Variants in THADA observed in about 807,000 individuals in gnomAD.
The protein encoded by THADA is THADA armadillo repeat containing.
In THADA, 213 loss-of-function variants were observed where a neutral mutation model predicts 219.8. That is an observed-to-expected ratio of 0.97 (90% CI 0.87 to 1.09). The LOEUF (loss-of-function observed/expected upper bound fraction) is 1.09. Ranked by LOEUF, THADA falls within the 50% of genes least tolerant of loss-of-function variation. The pLI is 0.00. For synonymous variants in THADA, 1,018 were observed against 828.9 expected, an observed-to-expected ratio of 1.23 and a Z score of -3.92; for missense variants, 2,956 against 2,311.3, an observed-to-expected ratio of 1.28 and a Z score of -5.72.
At chr2:43,388,898 C>T (rs1044842020) in intron 29 of THADA, among the ~76,000 whole-genome samples, 1 of 151,252 alleles carries the variant, frequency 6.6e-6, no homozygotes, top group African/African-American at 2.4e-5. Flanking sequence ...CTTTTACTCA[C>T]CATCTACACC....
At chr2:43,232,225 C>G (rs977104281) in intron 37 of THADA, among the ~76,000 whole-genome samples, 8 of 151,490 alleles carry the variant, frequency 5.3e-5, no homozygotes, top group African/African-American at 1.9e-4. Context: ...GTTGCCCAGG[C>G]TGGAGTGCAG....
intron 36 of THADA, among the ~76,000 whole-genome samples, chr2:43,257,939 G>A (rs1324973280): frequency 1.3e-5 from 2 of 152,162 alleles, no homozygotes; most frequent in Admixed American, 6.5e-5. Context: ...TGGGAGGAAG[G>A]GGAGGTACAG....
At chr2:43,250,502 G>A (rs1669706178) in intron 36 of THADA, among the ~76,000 whole-genome samples, 1 of 152,036 alleles carries the variant, frequency 6.6e-6, no homozygotes, top group African/African-American at 2.4e-5. Context: ...AGTACTAAAC[G>A]CTACTGGAAC....
intron 26 of THADA, among the ~76,000 whole-genome samples, chr2:43,467,055 G>A (rs376801324): frequency 4.0e-5 from 6 of 151,382 alleles, no homozygotes; most frequent in African/African-American, 1.5e-4. Context: ...GGTAGCGGGC[G>A]CCTGTAGTCC....
chr2:43,573,416 A>T (rs1699508960), intron 11 of THADA, among the ~76,000 whole-genome samples: 1 of 152,320 alleles, frequency 6.6e-6, no homozygotes, highest in East Asian at 1.9e-4. Context: ...AGTAAAGATT[A>T]AAAAAGGAAC....
intron 17 of THADA, among the ~76,000 whole-genome samples, chr2:43,555,745 T>G (rs974449606): frequency 6.6e-6 from 1 of 152,186 alleles, no homozygotes; most frequent in African/African-American, 2.4e-5. Context: ...ATAATAATTT[T>G]TAACTCTCTT....
intron 28 of THADA, among the ~76,000 whole-genome samples, chr2:43,426,896 T>C (rs765407490): frequency 2.3e-4 from 35 of 152,304 alleles, no homozygotes; most frequent in Admixed American, 9.8e-4. Flanking sequence ...ACTAATATGA[T>C]AGGCTTCTGA....
chr2:43,533,595 T>C (rs1309860485), intron 21 of THADA, among the ~76,000 whole-genome samples: 1 of 152,160 alleles, frequency 6.6e-6, no homozygotes, highest in Non-Finnish European at 1.5e-5. Flanking sequence ...TTGCAGGGAC[T>C]TGGATGAAGC....
At chr2:43,289,641 TTTTG>T (rs528735779) in intron 34 of THADA, among the ~76,000 whole-genome samples, 10 of 152,278 alleles carry the variant, frequency 6.6e-5, no homozygotes, top group South Asian at 2.1e-4. Context: ...CTTGGTGTTT[TTTTG>T]TTTGTTTGTT....
rs536187880 is a variant in THADA, at chr2:43,434,779, G to A, written c.3837-4477C>T. Among the ~76,000 whole-genome samples the A allele has an allele frequency of 7.2e-5, 11 of 152,274 alleles. No homozygotes were observed. The East Asian group carries it at 7.7e-4, about 11-fold the overall frequency. ...AGCCTACGTGTGATCAAATTCTTCC[G>A]GTATATCAAGGCAAGAACCCTGGGA... is the stretch of plus-strand genomic sequence containing the variant. On this transcript the variant is annotated intron_variant, in intron 26 of 37. Coordinates refer to ENST00000405975, the MANE Select transcript of THADA (RefSeq NM_022065.5).
At chr2:43,296,527 C>T (rs1011309268) in intron 31 of THADA, among the ~76,000 whole-genome samples, 3 of 152,122 alleles carry the variant, frequency 2.0e-5, no homozygotes, top group South Asian at 2.1e-4. Context: ...CTGCCCGCCT[C>T]GGCCTCCCAA....
At chr2:43,511,744 T>C (rs1690483565) in intron 22 of THADA, among the ~76,000 whole-genome samples, 1 of 152,208 alleles carries the variant, frequency 6.6e-6, no homozygotes, top group South Asian at 2.1e-4. Context: ...CTCCAAATAC[T>C]GCATCTCACG....
Position 43,359,154 on chromosome 2 carries a change from G to C in THADA, c.4228-14917C>G, listed in dbSNP as rs554102209. 2.4e-3 allele frequency among the ~76,000 whole-genome samples: 360 copies of C among 152,322 alleles called. 2 individuals carry two copies. The highest frequency in any genetic ancestry group is 6.8e-3 in the Middle Eastern group (2 of 294). The stretch of plus-strand genomic sequence containing the variant: ...TGGAATAAACCAGGCAGTGTCTTAA[G>C]CAAAAGCCTCTGTAGCCCTTATTGA... On this transcript the variant is annotated intron_variant, in intron 29 of 37. Transcript: ENST00000405975.
chr2:43,487,828 T>C (rs1687097491), intron 25 of THADA, among the ~76,000 whole-genome samples: 2 of 152,296 alleles, frequency 1.3e-5, no homozygotes, highest in East Asian at 3.9e-4. Flanking sequence ...TCTTGGACTT[T>C]CCAGCCTCCA....
intron 8 of THADA, among the ~76,000 whole-genome samples, chr2:43,579,304 CAG>C (rs1437597275): frequency 6.6e-6 from 1 of 152,190 alleles, no homozygotes; most frequent in East Asian, 1.9e-4. Context: ...ACCATATACA[CAG>C]ACTTTTTCAA....
At chr2:43,427,955 C>G in intron 28 of THADA, 145 bp downstream of exon 28, 1 of 412,506 alleles carries the variant, frequency 2.4e-6, no homozygotes, top group Non-Finnish European at 3.3e-6. Context: ...GACTCCGTCT[C>G]AAAAAACAAA....
At chr2:43,445,331 ATCTCTGATTCTGCTCTTGGAATCC>A in intron 26 of THADA, among the ~76,000 whole-genome samples, 1 of 152,256 alleles carries the variant, frequency 6.6e-6, no homozygotes, top group East Asian at 1.9e-4. Context: ...CAGGAAGCCC[ATCTCTGATTCTGCTCTTGGAATCC>A]TCTCAGATTC....
At chr2:43,287,474 G>C (rs1267733811) in intron 34 of THADA, among the ~76,000 whole-genome samples, 1 of 152,050 alleles carries the variant, frequency 6.6e-6, no homozygotes, top group East Asian at 1.9e-4. Context: ...TTTGTATTTA[G>C]CAAAATTAGA....
intron 30 of THADA, among the ~76,000 whole-genome samples, chr2:43,324,135 C>G (rs1210170241): frequency 6.6e-6 from 1 of 152,142 alleles, no homozygotes; most frequent in African/African-American, 2.4e-5. Flanking sequence ...TGTTGAGAAA[C>G]CGGTTTGACT....
Sources: gnomAD v4.1 joint callset for allele counts (sites outside exome capture counted in the v4.1 genomes callset) on GRCh38, gnomAD v4.1.1 for gene constraint, MANE v1.5 for transcripts, NCBI Gene and HGNC (gene_info 2026-07-23, HGNC 2026-07-21) for gene names.